The following TMEM260 variants were observed in gnomAD, a reference collection of about 807,000 sequenced individuals.
The protein encoded by TMEM260 is protein O-mannosyl-transferase TMEM260.
In TMEM260, 82 loss-of-function variants were observed where a neutral mutation model predicts 88.9. The ratio of observed to expected loss-of-function variants is 0.92; its 90% CI spans 0.77 to 1.11. The LOEUF (loss-of-function observed/expected upper bound fraction) is 1.11, where lower values mean the gene tolerates loss of function less well. Among genes scored for constraint, TMEM260 ranks in the 50% least tolerant of loss-of-function variants. TMEM260 has a pLI of 0.00. For missense variants in TMEM260, 902 were observed against 853.4 expected, an observed-to-expected ratio of 1.06 and a Z score of -0.71; for synonymous variants, 314 against 309.3, an observed-to-expected ratio of 1.02 and a Z score of -0.16.
At chr14:56,582,513 G>A (rs1251257349) in intron 1 of TMEM260, among the ~76,000 whole-genome samples, 2 of 152,208 alleles carry the variant, frequency 1.3e-5, no homozygotes, top group Admixed American at 1.3e-4. Flanking sequence ...TTAAGCATCT[G>A]CTGACAACTC....
At chr14:56,593,129 A>G (rs1036510963) in intron 3 of TMEM260, 1 of 152,264 alleles carries the variant, frequency 6.6e-6, no homozygotes, top group African/African-American at 2.4e-5. Flanking sequence ...ATAGTATTCC[A>G]TCAGTGAGAA....
At chr14:56,604,134 TCA>T in intron 4 of TMEM260, 142 bp downstream of exon 4, 1 of 798,676 alleles carries the variant, frequency 1.3e-6, no homozygotes, top group Non-Finnish European at 1.8e-6. Flanking sequence ...GAAAATGATC[TCA>T]GTCTTTTTTA....
intron 15 of TMEM260, among the ~76,000 whole-genome samples, chr14:56,638,765 AGAATATT>A (rs1412537650): frequency 6.6e-6 from 1 of 152,166 alleles, no homozygotes; most frequent in African/African-American, 2.4e-5. Context: ...TAGCTCATAC[AGAATATT>A]AAGTTCAGGT....
At chr14:56,626,330 TTATTC>T (rs1484320168) in intron 12 of TMEM260, among the ~76,000 whole-genome samples, 2 of 152,180 alleles carry the variant, frequency 1.3e-5, no homozygotes, top group African/African-American at 4.8e-5. Context: ...TAACATTTAA[TTATTC>T]TATTCTAGAT....
chr14:56,586,820 T>G (rs1227010522), intron 3 of TMEM260, among the ~76,000 whole-genome samples: 1 of 152,048 alleles, frequency 6.6e-6, no homozygotes, highest in Non-Finnish European at 1.5e-5. Flanking sequence ...TCTCTTTTAA[T>G]TATTTATAGA....
chr14:56,656,967 C>T, the TMEM260 span, among the ~76,000 whole-genome samples: 1 of 152,166 alleles, frequency 6.6e-6, no homozygotes, highest in African/African-American at 2.4e-5. Flanking sequence ...TTCCCTCTTT[C>T]TACTGGTTTC....
chr14:56,622,837 G>A (rs1322046114), intron 11 of TMEM260, among the ~76,000 whole-genome samples: 1 of 152,098 alleles, frequency 6.6e-6, no homozygotes, highest in Non-Finnish European at 1.5e-5. Context: ...TTTATAAACA[G>A]ATTTGTAAAT....
In TMEM260 at chr14:56,633,056, T is replaced by G. The variant is rs1390677727; in HGVS notation, c.1609T>G (p.Ser537Ala). The change falls in exon 13 of 16, where the codon TCA becomes GCA. Residue 537 changes from serine (S) to alanine (A), a missense_variant. Coordinates refer to ENST00000261556, the MANE Select transcript of TMEM260 (RefSeq NM_017799.4). ...EGDPTWKKNY[S>A]LWPWGSCDKL... ...CGACCCAACCTGGAAAAAGAACTATTCACTTTGGCCATGGGGGTCTTGTGA... is the reference window on the plus strand; with the variant it reads ...CGACCCAACCTGGAAAAAGAACTATGCACTTTGGCCATGGGGGTCTTGTGA... 6.2e-7 allele frequency: 1 copy of G among 1,614,024 alleles called. No homozygotes were observed. The highest frequency in any genetic ancestry group is 1.1e-5 in the South Asian group (1 of 91,086).
chr14:56,644,922 T>C (rs1223320097), intron 15 of TMEM260, among the ~76,000 whole-genome samples: 2 of 151,902 alleles, frequency 1.3e-5, no homozygotes, highest in Non-Finnish European at 2.9e-5. Flanking sequence ...ATCAGAGAAA[T>C]GCAAATCAAA....
intron 3 of TMEM260, among the ~76,000 whole-genome samples, chr14:56,591,806 T>C (rs1417191831): frequency 6.6e-6 from 1 of 152,222 alleles, no homozygotes; most frequent in African/African-American, 2.4e-5. Flanking sequence ...TAAAGCCTAG[T>C]TGAATGTTTT....
chr14:56,636,450 G>T, intron 14 of TMEM260, 58 bp from the exon 15 acceptor site: 1 of 1,358,028 alleles, frequency 7.4e-7, no homozygotes, highest in Non-Finnish European at 1.1e-6. Flanking sequence ...GATTTAGCTA[G>T]CCCTGAATGT....
intron 6 of TMEM260, among the ~76,000 whole-genome samples, chr14:56,609,623 T>G (rs1301485005): frequency 6.6e-6 from 1 of 152,052 alleles, no homozygotes; most frequent in Non-Finnish European, 1.5e-5. Flanking sequence ...TTGGAAAAGA[T>G]CGAAGGAAAA....
intron 15 of TMEM260, among the ~76,000 whole-genome samples, chr14:56,640,571 C>CT (rs1889508612): frequency 6.6e-6 from 1 of 151,842 alleles, no homozygotes; most frequent in Non-Finnish European, 1.5e-5. Flanking sequence ...ACCAGAAACT[C>CT]TAAAAATCAG....
chr14:56,593,677 C>CTT (rs34268894), intron 3 of TMEM260, among the ~76,000 whole-genome samples: 2,067 of 63,444 alleles, frequency 0.033, 637 homozygotes, highest in African/African-American at 0.064. Flanking sequence ...AGGTGAGTGT[C>CTT]TTTTTTTTTT....
chr14:56,611,993 G>A (rs1460008891), intron 6 of TMEM260, among the ~76,000 whole-genome samples: 2 of 152,124 alleles, frequency 1.3e-5, no homozygotes, highest in African/African-American at 4.8e-5. Flanking sequence ...GCAGAGGGTA[G>A]GAGGAGGGAA....
chr14:56,630,327 TTAAA>T (rs1478814494), intron 12 of TMEM260, among the ~76,000 whole-genome samples: 2 of 152,326 alleles, frequency 1.3e-5, no homozygotes, highest in African/African-American at 4.8e-5. Context: ...CATTATGTCT[TTAAA>T]TAATTTTTCC....
chr14:56,616,998 T>C (rs577271074), intron 8 of TMEM260, among the ~76,000 whole-genome samples, 185 bp from the exon 9 acceptor site: 7 of 152,170 alleles, frequency 4.6e-5, no homozygotes, highest in Admixed American at 6.5e-5. Flanking sequence ...TCCCAAGTTG[T>C]AGTTCAAATT....
chr14:56,600,263 C>T (rs193164300), intron 3 of TMEM260, among the ~76,000 whole-genome samples: 2 of 152,116 alleles, frequency 1.3e-5, no homozygotes, highest in African/African-American at 2.4e-5. Flanking sequence ...TAGAGGCGTA[C>T]GTCCTCTCTT....
Position 56,621,652 on chromosome 14 carries a change from A to G in TMEM260, c.1348A>G (p.Met450Val), listed in dbSNP as rs550173506. Reference protein sequence around the residue: ...GDLPGNSLRYMHYCEGLRPDI... With the variant: ...GDLPGNSLRYVHYCEGLRPDI... ...TTTGCCAGGAAATTCTCTCCGTTAC[A>G]TGCATTACTGTGAGGGGTTGAGGCC... The change falls in exon 11 of 16, where the codon ATG becomes GTG. Residue 450 changes from methionine to valine, a missense_variant. Transcript: ENST00000261556. 2.5e-6 allele frequency: 4 copies of G among 1,613,388 alleles called. No individual in the cohort carries two copies. Among genetic ancestry groups the G allele is most frequent in the South Asian group, 2.2e-5 (2 of 90,902 alleles).
Sources: allele counts gnomAD v4.1 joint callset (sites outside exome capture counted in the v4.1 genomes callset), GRCh38; gene constraint gnomAD v4.1.1; transcripts MANE v1.5; gene names NCBI Gene and HGNC (gene_info 2026-07-23, HGNC 2026-07-21).